Variants in HORMAD2 observed in about 807,000 individuals in gnomAD.
The protein encoded by HORMAD2 is HORMA domain-containing protein 2.
In HORMAD2, 45 loss-of-function variants were observed where a neutral mutation model predicts 38.8. That is an observed-to-expected ratio of 1.16 (90% CI 0.91 to 1.49). HORMAD2 has a LOEUF of 1.49. Among genes scored for constraint, HORMAD2 ranks in the 40% most tolerant of loss-of-function variants. The pLI is 0.00. For synonymous variants in HORMAD2, 126 were observed against 122.8 expected (o/e 1.03, Z -0.17); for missense variants, 338 against 367.0 (o/e 0.92, Z 0.65).
At chr22:30,160,242 C>T (rs1188653487) in intron 10 of HORMAD2, among the ~76,000 whole-genome samples, 1 of 151,518 alleles carries the variant, frequency 6.6e-6, no homozygotes, top group African/African-American at 2.4e-5. Flanking sequence ...CTTGTCTGAC[C>T]CTCCTCTTTT....
chr22:30,111,819 A>C lies in HORMAD2; in HGVS notation c.315+3A>C. ...AGCTACGTATGGCAGTACTGACAGT[A>C]AGTACACACTCATTTAAAGACCAAG... is the stretch of plus-strand genomic sequence containing the variant. On this transcript the variant is annotated splice_donor_region_variant and intron_variant, in intron 6 of 10. Transcript: ENST00000336726. 6.4e-7 allele frequency: 1 copy of C among 1,572,272 alleles called. No homozygotes were observed. Among genetic ancestry groups the C allele is most frequent in the Non-Finnish European group, 8.6e-7 (1 of 1,157,638 alleles).
At chr22:30,156,833 A>G (rs1281776754) in intron 10 of HORMAD2, among the ~76,000 whole-genome samples, 1 of 152,202 alleles carries the variant, frequency 6.6e-6, no homozygotes, top group African/African-American at 2.4e-5. Context: ...AAGAGACTAA[A>G]CTGCTGCAGA....
intron 10 of HORMAD2, among the ~76,000 whole-genome samples, chr22:30,131,967 G>A (rs908974871): frequency 1.3e-5 from 2 of 152,074 alleles, no homozygotes; most frequent in African/African-American, 2.4e-5. Context: ...TTGTTTCCAC[G>A]GTAAATAGCA....
At chr22:30,136,919 T>C (rs1601559876) in intron 10 of HORMAD2, 2 of 495,646 alleles carry the variant, frequency 4.0e-6, no homozygotes, top group East Asian at 7.3e-5. Context: ...TGACCACTTC[T>C]TTCAAGTCAT....
intron 1 of HORMAD2, among the ~76,000 whole-genome samples, chr22:30,092,161 G>A (rs1415876108): frequency 1.3e-5 from 2 of 151,686 alleles, no homozygotes; most frequent in Non-Finnish European, 2.9e-5. Flanking sequence ...GATTACAGGT[G>A]TGAGCCACCT....
At chr22:30,149,044 G>A (rs545362992) in intron 10 of HORMAD2, among the ~76,000 whole-genome samples, 13 of 152,172 alleles carry the variant, frequency 8.5e-5, no homozygotes, top group African/African-American at 3.1e-4. Flanking sequence ...CTATGTGAAG[G>A]AAAAAATAAA....
chr22:30,117,655 C>T (rs2146121045), intron 7 of HORMAD2, among the ~76,000 whole-genome samples: 1 of 152,072 alleles, frequency 6.6e-6, no homozygotes, highest in East Asian at 1.9e-4. Context: ...ATTACAGGCG[C>T]ACACCACCAC....
intron 10 of HORMAD2, among the ~76,000 whole-genome samples, chr22:30,128,417 A>C (rs1333942078): frequency 1.3e-5 from 2 of 152,012 alleles, no homozygotes; most frequent in Non-Finnish European, 2.9e-5. Flanking sequence ...AATATGTTCC[A>C]CTTTAATCTT....
intron 5 of HORMAD2, among the ~76,000 whole-genome samples, chr22:30,110,446 C>T (rs1272183949): frequency 2.1e-5 from 3 of 143,348 alleles, no homozygotes; most frequent in African/African-American, 5.3e-5. Flanking sequence ...AGTGCAATGG[C>T]GTGATCTCAG....
chr22:30,133,357 A>G (rs1923415066), intron 10 of HORMAD2, among the ~76,000 whole-genome samples: 1 of 151,958 alleles, frequency 6.6e-6, no homozygotes, highest in Non-Finnish European at 1.5e-5. Context: ...GAGAACTAAG[A>G]CTTCAGAAGA....
intron 7 of HORMAD2, among the ~76,000 whole-genome samples, chr22:30,115,198 C>T (rs567669844): frequency 2.6e-5 from 4 of 152,202 alleles, no homozygotes; most frequent in Admixed American, 2.6e-4. Flanking sequence ...GTGATCTTGG[C>T]TCATGGCAGC....
intron 10 of HORMAD2, among the ~76,000 whole-genome samples, chr22:30,143,219 C>T (rs1026759034): frequency 6.6e-6 from 1 of 152,098 alleles, no homozygotes; most frequent in Non-Finnish European, 1.5e-5. Flanking sequence ...GAAAAATGTG[C>T]ATTTACATTG....
chr22:30,193,029 A>T, the HORMAD2 span, among the ~76,000 whole-genome samples: 4 of 152,250 alleles, frequency 2.6e-5, no homozygotes, highest in African/African-American at 9.6e-5. Context: ...GTATTCATTG[A>T]TATATCAAAA....
intron 10 of HORMAD2, among the ~76,000 whole-genome samples, chr22:30,142,168 A>T (rs746334706): frequency 6.6e-6 from 1 of 152,046 alleles, no homozygotes; most frequent in Non-Finnish European, 1.5e-5. Context: ...GGTCCTACCT[A>T]CTTGAAAGGC....
chr22:30,174,922 C>A (rs1454676726), intron 10 of HORMAD2, among the ~76,000 whole-genome samples: 6 of 151,960 alleles, frequency 3.9e-5, no homozygotes, highest in Non-Finnish European at 7.4e-5. Flanking sequence ...TATATCTTTT[C>A]TCAGAGTTTT....
At position 30,154,085 on chromosome 22, in the gene HORMAD2, C is replaced by T. The variant is rs184135524; in HGVS notation, c.820-21978C>T. ...CTCTAGCCCAAGGCTCTGACCTTAC[C>T]TTCTTTCAATTTCCCCTTACTTCCT... is the stretch of plus-strand genomic sequence containing the variant. On this transcript the variant is annotated intron_variant, in intron 10 of 10. Coordinates refer to ENST00000336726, the MANE Select transcript of HORMAD2 (RefSeq NM_152510.4). Among the ~76,000 whole-genome samples the T allele has an allele frequency of 4.7e-3, 717 of 152,280 alleles. 8 individuals are homozygous for T. The highest frequency in any genetic ancestry group is 0.016 in the African/African-American group (679 of 41,558).
At chr22:30,145,186 T>C (rs567061053) in intron 10 of HORMAD2, among the ~76,000 whole-genome samples, 3 of 152,196 alleles carry the variant, frequency 2.0e-5, no homozygotes, top group Non-Finnish European at 4.4e-5. Context: ...TCTGTGGAGC[T>C]CCTCACACTG....
the HORMAD2 span, among the ~76,000 whole-genome samples, chr22:30,196,385 A>C: frequency 6.6e-6 from 1 of 152,160 alleles, no homozygotes; most frequent in Admixed American, 6.5e-5. Context: ...GTCAGACAGC[A>C]TTGTGTTGGG....
the HORMAD2 span, among the ~76,000 whole-genome samples, chr22:30,182,956 A>G: frequency 6.6e-6 from 1 of 152,086 alleles, no homozygotes; most frequent in African/African-American, 2.4e-5. Context: ...TTCCTTCCCC[A>G]TAGGGAACTA....
Sources: allele counts gnomAD v4.1 joint callset (sites outside exome capture counted in the v4.1 genomes callset), GRCh38; gene constraint gnomAD v4.1.1; transcripts MANE v1.5; gene names NCBI Gene and HGNC (gene_info 2026-07-23, HGNC 2026-07-21).